PAX9: variants seen among roughly 807,000 people sequenced by gnomAD.
PAX9 encodes paired box protein Pax-9.
Under a neutral mutation model 29.1 loss-of-function variants are expected in PAX9, and 6 were observed. The ratio of observed to expected loss-of-function variants is 0.21; its 90% CI spans 0.11 to 0.41. PAX9 has a LOEUF of 0.41. Among genes scored for constraint, PAX9 ranks in the 10% least tolerant of loss-of-function variants. The pLI is 1.00. For missense variants in PAX9, 443 were observed against 479.1 expected, an observed-to-expected ratio of 0.92 and a Z score of 0.70; for synonymous variants, 217 against 211.7, an observed-to-expected ratio of 1.03 and a Z score of -0.22.
chr14:36,666,873 G>A (rs557386817), intron 3 of PAX9, among the ~76,000 whole-genome samples: 1 of 152,156 alleles, frequency 6.6e-6, no homozygotes, highest in Non-Finnish European at 1.5e-5. Context: ...GCGAGGCTCT[G>A]GGAAGCGCCT....
Position 36,679,269 on chromosome 14 carries a change from T to G in PAX9, c.*2817T>G. On this transcript the variant is annotated 3_prime_UTR_variant, in exon 4 of 4. Coordinates refer to ENST00000361487, the MANE Select transcript of PAX9 (RefSeq NM_001372076.1). Reference sequence around the variant, plus strand: ...ATTTTAAAAAACACGTTGGAAAGGATGTACAACAGAAGGCTATGTATGTAT... The same window carrying G: ...ATTTTAAAAAACACGTTGGAAAGGAGGTACAACAGAAGGCTATGTATGTAT... The G allele has an allele frequency of 4.1e-6, 4 of 983,068 alleles. No individual in the cohort carries two copies. Among genetic ancestry groups the G allele is most frequent in the Non-Finnish European group, 4.8e-6 (4 of 827,764 alleles). The allele number at this position is 983,068 out of a possible 1,614,324, so 60.9% of individuals were successfully genotyped here.
At chr14:36,669,476 T>G (rs1414952053) in intron 3 of PAX9, among the ~76,000 whole-genome samples, 1 of 152,184 alleles carries the variant, frequency 6.6e-6, no homozygotes, top group Non-Finnish European at 1.5e-5. Flanking sequence ...TTCAGGGCAT[T>G]TGTGATTGTT....
At chr14:36,660,534 T>C (rs1881217596), upstream of PAX9, among the ~76,000 whole-genome samples, 1 of 152,218 alleles carries the variant, frequency 6.6e-6, no homozygotes, top group South Asian at 2.1e-4. Context: ...GCATGGCTGA[T>C]CATAGTTTTT....
At chr14:36,670,144 A>T (rs1430983304) in intron 3 of PAX9, among the ~76,000 whole-genome samples, 2 of 151,960 alleles carry the variant, frequency 1.3e-5, no homozygotes, top group South Asian at 2.1e-4. Flanking sequence ...TTCTTGAAAA[A>T]TTTTCTACAA....
intron 3 of PAX9, among the ~76,000 whole-genome samples, chr14:36,668,891 A>G (rs1042835420): frequency 2.6e-5 from 4 of 152,144 alleles, no homozygotes; most frequent in Admixed American, 1.3e-4. Flanking sequence ...TCACATTTAT[A>G]AAAGAATATA....
At chr14:36,663,631 G>A in intron 2 of PAX9, 108 bp downstream of exon 2, 1 of 1,427,114 alleles carries the variant, frequency 7.0e-7, no homozygotes, top group Non-Finnish European at 9.6e-7. Context: ...CACCACCTGA[G>A]GCTTTTTCCT....
At position 36,676,921 on chromosome 14, in the gene PAX9, C is replaced by A. The variant is rs1309182409; in HGVS notation, c.*469C>A. 1.1e-5 allele frequency: 2 copies of A among 182,430 alleles called. No homozygotes were observed. The highest frequency in any genetic ancestry group is 2.3e-4 in the South Asian group (2 of 8,872). 11.3% of individuals were successfully genotyped at this position (182,430 alleles called of 1,614,324 possible). On this transcript the variant is annotated 3_prime_UTR_variant, in exon 4 of 4. Coordinates refer to ENST00000361487, the MANE Select transcript of PAX9 (RefSeq NM_001372076.1). ...TACACCCTCTAATCAAATATGGTAA[C>A]CAAGTAAGCTTTAATTCATCATTAG...
intron 3 of PAX9, among the ~76,000 whole-genome samples, chr14:36,672,961 G>A (rs1881751116): frequency 2.9e-5 from 4 of 138,116 alleles, no homozygotes; most frequent in Non-Finnish European, 1.5e-5. Context: ...CGACTCCCGG[G>A]TTCAAGCAAT....
chr14:36,668,308 G>A (rs1196544469), intron 3 of PAX9, among the ~76,000 whole-genome samples: 1 of 152,108 alleles, frequency 6.6e-6, no homozygotes, highest in Non-Finnish European at 1.5e-5. Context: ...AGTTGAAAAA[G>A]TTTCTAATTC....
intron 1 of PAX9, 49 bp from the exon 2 acceptor site, chr14:36,662,848 T>C: frequency 6.3e-7 from 1 of 1,580,764 alleles, no homozygotes; most frequent in South Asian, 1.2e-5. Context: ...CAGGCAGCTG[T>C]CCCAAGCAGC....
chr14:36,663,345 G>A lies in PAX9; in HGVS notation c.453G>A (p.Gln151=), dbSNP rs1461320948. ...DSYKQHQPTP[Q]PALPYNHIYS... is the part of the protein sequence containing the mutation. ...ACAAGCAGCACCAGCCGACGCCGCA[G>A]CCAGCGCTGCCCTACAACCACATCT... is the stretch of plus-strand genomic sequence containing the variant. The change falls in exon 2 of 4, where the codon CAG becomes CAA. Residue 151 remains glutamine (Q), a synonymous_variant. Coordinates refer to ENST00000361487, the MANE Select transcript of PAX9 (RefSeq NM_001372076.1). The A allele has an allele frequency of 6.2e-7, 1 of 1,614,106 alleles. No homozygotes were observed. The highest frequency in any genetic ancestry group is 1.3e-5 in the African/African-American group (1 of 75,076).
rs760001533 is a variant in PAX9 at position 36,666,743 on chromosome 14, T to A, written c.771+142T>A. The A allele has an allele frequency of 6.1e-6, 7 of 1,146,998 alleles. No homozygotes were observed. In the Admixed American group the frequency reaches 1.2e-4, roughly 20 times the overall value. 71.1% of individuals were successfully genotyped at this position (1,146,998 alleles called of 1,614,324 possible). On this transcript the variant is annotated intron_variant, in intron 3 of 3. Transcript: ENST00000361487. ...CCTTTGCTGCTACGAGCCAGATCCT[T>A]CGTGGACTGGGGCGAAGCAGAGGCC... is the stretch of plus-strand genomic sequence containing the variant.
intron 3 of PAX9, chr14:36,671,033 T>C (rs1241726089): frequency 6.9e-6 from 3 of 432,296 alleles, no homozygotes; most frequent in South Asian, 3.4e-5. Context: ...AAAGAGAAAA[T>C]CTTGTTTATT....
At chr14:36,658,378 G>T (rs983505823), upstream of PAX9, among the ~76,000 whole-genome samples, 22 of 151,842 alleles carry the variant, frequency 1.4e-4, no homozygotes, top group Admixed American at 8.5e-4. Context: ...TCGCTTGGGG[G>T]GGGGGGGTCC....
At chr14:36,660,977 A>G (rs1262982223), upstream of PAX9, among the ~76,000 whole-genome samples, 2 of 152,238 alleles carry the variant, frequency 1.3e-5, no homozygotes, top group Non-Finnish European at 2.9e-5. Flanking sequence ...AGTCTCTTTC[A>G]TATTTAAACA....
chr14:36,662,761 G>GT, intron 1 of PAX9, 136 bp from the exon 2 acceptor site: 1 of 1,050,722 alleles, frequency 9.5e-7, no homozygotes, highest in Non-Finnish European at 1.4e-6. Context: ...GGACCATATG[G>GT]TTTGGGGACA....
At chr14:36,672,677 A>G (rs1332220791) in intron 3 of PAX9, among the ~76,000 whole-genome samples, 6 of 139,072 alleles carry the variant, frequency 4.3e-5, no homozygotes, top group African/African-American at 1.1e-4. Flanking sequence ...AAAAGTAAAA[A>G]GTAAAATTAA....
chr14:36,670,573 G>T (rs1321509902), intron 3 of PAX9, among the ~76,000 whole-genome samples: 1 of 151,978 alleles, frequency 6.6e-6, no homozygotes, highest in African/African-American at 2.4e-5. Context: ...GTTAATTTTT[G>T]TAAATAAGTT....
intron 3 of PAX9, among the ~76,000 whole-genome samples, chr14:36,668,639 G>T (rs904585874): frequency 2.0e-5 from 3 of 151,984 alleles, no homozygotes; most frequent in African/African-American, 7.3e-5. Context: ...CACCCACCTC[G>T]GCCTCCCAAA....
Sources: gnomAD v4.1 joint callset for allele counts (sites outside exome capture counted in the v4.1 genomes callset) on GRCh38, gnomAD v4.1.1 for gene constraint, MANE v1.5 for transcripts, NCBI Gene and HGNC (gene_info 2026-07-23, HGNC 2026-07-21) for gene names.